Variants in ZFP3 observed in about 807,000 individuals in gnomAD.
ZFP3 encodes ZFP3 zinc finger protein.
In ZFP3, 18 loss-of-function variants were observed where a neutral mutation model predicts 36.7. The ratio of observed to expected loss-of-function variants is 0.49; its 90% CI spans 0.34 to 0.73. The LOEUF (loss-of-function observed/expected upper bound fraction) is 0.73, where lower values mean the gene tolerates loss of function less well. Ranked by LOEUF, ZFP3 falls within the 30% of genes least tolerant of loss-of-function variation. The probability of loss-of-function intolerance (pLI) is 0.01; values close to 1 mark genes in which losing one functional copy is unlikely to be tolerated. For synonymous variants in ZFP3, 218 were observed against 199.0 expected, an observed-to-expected ratio of 1.10 and a Z score of -0.81; for missense variants, 495 against 599.0, an observed-to-expected ratio of 0.83 and a Z score of 1.81.
rs1429732629 is a variant in ZFP3, at chr17:5,078,957, T to C, written c.-9+382T>C. On this transcript the variant is annotated intron_variant, in intron 1 of 1. Transcript: ENST00000318833. This position sits in a 1 kb window ranked among gnomAD's most constrained non-coding sequence, Gnocchi z 4.5. ...CAGTGTCACAAACTTAACGCCCTAG[T>C]GGCAGATTGTGCCCTGTGCTGCCAG... is the stretch of plus-strand genomic sequence containing the variant. 6.6e-6 allele frequency among the ~76,000 whole-genome samples: 1 copy of C among 152,182 alleles called. No homozygotes were observed.
At chr17:5,089,724 C>T (rs548278336) in intron 1 of ZFP3, among the ~76,000 whole-genome samples, 12 of 149,350 alleles carry the variant, frequency 8.0e-5, no homozygotes, top group East Asian at 6.2e-4. Context: ...GGCACAATCA[C>T]GGCTCATTGC....
rs957919024 is a variant in ZFP3 at position 5,093,457 on chromosome 17, A to G, written c.*444A>G. 1.7e-5 allele frequency: 3 copies of G among 173,312 alleles called. No individual in the cohort carries two copies. The highest frequency in any genetic ancestry group is 2.8e-5 in the Non-Finnish European group (2 of 72,164). The allele number at this position is 173,312 out of a possible 1,614,324, so 10.7% of individuals were successfully genotyped here. A position where few individuals can be genotyped will look rare whatever the true frequency, so the allele number is the denominator to read the frequency against. On this transcript the variant is annotated 3_prime_UTR_variant, in exon 2 of 2. Coordinates refer to ENST00000318833, the MANE Select transcript of ZFP3 (RefSeq NM_153018.3). ...TCCTCCCCCAGTGGATCACATAACA[A>G]ACATTAAGGGTCTGTACCAGCCATC...
chr17:5,094,103 C>T lies in ZFP3; in HGVS notation c.*1090C>T, dbSNP rs2072166445. 6.0e-6 allele frequency: 1 copy of T among 167,234 alleles called. No individual in the cohort carries two copies. Among genetic ancestry groups the T allele is most frequent in the Non-Finnish European group, 1.5e-5 (1 of 68,196 alleles). 10.4% of individuals were successfully genotyped at this position (167,234 alleles called of 1,614,324 possible). A position where few individuals can be genotyped will look rare whatever the true frequency, so the allele number is the denominator to read the frequency against. ...ACCTGATGACAAACCAGGGTCTGGCCTTGCCAAAGCACTTAAGTTCTCATG... is the reference window on the plus strand; with the variant it reads ...ACCTGATGACAAACCAGGGTCTGGCTTTGCCAAAGCACTTAAGTTCTCATG... On this transcript the variant is annotated 3_prime_UTR_variant, in exon 2 of 2. Transcript: ENST00000318833.
chr17:5,081,753 C>T (rs1490267980), intron 1 of ZFP3, among the ~76,000 whole-genome samples: 2 of 151,686 alleles, frequency 1.3e-5, no homozygotes, highest in Non-Finnish European at 2.9e-5. Context: ...AGGTGCCTGC[C>T]ACCACGCCCG....
Position 5,091,978 on chromosome 17 carries a change from G to A in ZFP3, c.474G>A (p.Gln158=), listed in dbSNP as rs777050836. 6.2e-7 allele frequency: 1 copy of A among 1,614,010 alleles called. No individual in the cohort carries two copies. The highest frequency in any genetic ancestry group is 1.7e-5 in the Admixed American group (1 of 60,010). Residue 158 remains glutamine, a synonymous_variant, in exon 2 of 2, where the codon CAG becomes CAA. Coordinates refer to ENST00000318833, the MANE Select transcript of ZFP3 (RefSeq NM_153018.3). ...KAFNQNSHLI[Q]HMRVHSGEKP... ...TTAATCAGAACTCACATCTCATCCA[G>A]CATATGAGAGTTCATAGTGGAGAAA...
At chr17:5,084,141 C>T (rs967886188) in intron 1 of ZFP3, among the ~76,000 whole-genome samples, 2 of 152,002 alleles carry the variant, frequency 1.3e-5, no homozygotes, top group South Asian at 2.1e-4. Flanking sequence ...GCTGGGATTA[C>T]AGGCATGAGC....
intron 1 of ZFP3, among the ~76,000 whole-genome samples, chr17:5,085,418 G>C (rs556701852): frequency 3.1e-4 from 47 of 151,926 alleles, no homozygotes; most frequent in African/African-American, 1.1e-3. Context: ...GCCCAGGCTG[G>C]AGTGCAGTGG....
intron 1 of ZFP3, among the ~76,000 whole-genome samples, chr17:5,084,800 C>A (rs959547193): frequency 6.6e-6 from 1 of 152,052 alleles, no homozygotes; most frequent in Non-Finnish European, 1.5e-5. Flanking sequence ...AAGTGAGAAA[C>A]GGAAAGATAG....
Position 5,093,186 on chromosome 17 carries a change from T to C in ZFP3, c.*173T>C, listed in dbSNP as rs1031977816. 2.2e-5 allele frequency: 16 copies of C among 714,822 alleles called. No homozygotes were observed. In the African/African-American group the frequency reaches 2.9e-4, roughly 13 times the overall value. The allele number at this position is 714,822 out of a possible 1,614,324, so 44.3% of individuals were successfully genotyped here. On this transcript the variant is annotated 3_prime_UTR_variant, in exon 2 of 2. Transcript: ENST00000318833. ...AAGAAGATGAGGCACTTTTTTTTTTTTTTTTTTAAGCATTGGGGTCTTGCT... is the reference window on the plus strand; with the variant it reads ...AAGAAGATGAGGCACTTTTTTTTTTCTTTTTTTAAGCATTGGGGTCTTGCT...
In ZFP3 at chr17:5,092,599, T is replaced by G. The variant is rs916451642; in HGVS notation, c.1095T>G (p.Tyr365Ter). ...HIRIHTGEKP[Y>*]VCKECGKAFR... ...GAATTCATACTGGTGAGAAGCCCTA[T>G]GTATGTAAGGAATGTGGGAAGGCCT... Residue 365 changes from tyrosine (Y) to a stop codon, truncating the protein, a stop_gained, in exon 2 of 2, where the codon TAT becomes TAG. Coordinates refer to ENST00000318833, the MANE Select transcript of ZFP3 (RefSeq NM_153018.3). LOFTEE classifies it high-confidence loss of function. This position sits in a 1 kb window ranked among gnomAD's most constrained non-coding sequence, Gnocchi z 5.0. 1.2e-6 allele frequency: 2 copies of G among 1,614,118 alleles called. No individual in the cohort carries two copies. Among genetic ancestry groups the G allele is most frequent in the Non-Finnish European group, 8.5e-7 (1 of 1,180,012 alleles).
chr17:5,088,803 G>A (rs994514697), intron 1 of ZFP3, among the ~76,000 whole-genome samples: 1 of 152,156 alleles, frequency 6.6e-6, no homozygotes, highest in Non-Finnish European at 1.5e-5. Flanking sequence ...CATCTGCGTG[G>A]AATGCTAATC....
chr17:5,095,549 C>T lies in ZFP3; in HGVS notation c.*2536C>T, dbSNP rs1162779780. ...GGCACCCCTTCAAGCTTCTCCTAAACAATCTATGCACACAAACACCCCTGA... is the reference window on the plus strand; with the variant it reads ...GGCACCCCTTCAAGCTTCTCCTAAATAATCTATGCACACAAACACCCCTGA... On this transcript the variant is annotated 3_prime_UTR_variant, in exon 2 of 2. Transcript: ENST00000318833. 2 of 166,926 alleles carry T rather than the reference C, an allele frequency of 1.2e-5. No homozygotes were observed. Among genetic ancestry groups the T allele is most frequent in the African/African-American group, 4.8e-5 (2 of 41,366 alleles). The allele number at this position is 166,926 out of a possible 1,614,324, so 10.3% of individuals were successfully genotyped here.
chr17:5,079,485 A>G (rs1476060784), intron 1 of ZFP3, among the ~76,000 whole-genome samples: 2 of 151,934 alleles, frequency 1.3e-5, no homozygotes, highest in Admixed American at 1.3e-4. Flanking sequence ...GAGTCTGGGC[A>G]ATAGAGCCAA....
chr17:5,082,535 T>G (rs1179454639), intron 1 of ZFP3, among the ~76,000 whole-genome samples: 2 of 152,102 alleles, frequency 1.3e-5, no homozygotes, highest in South Asian at 4.1e-4. Context: ...AAATTTTACT[T>G]AATTTTTTGA....
chr17:5,091,515 A>C lies in ZFP3; in HGVS notation c.11A>C (p.Glu4Ala), dbSNP rs779830975. The C allele has an allele frequency of 1.2e-6, 2 of 1,613,812 alleles. No individual in the cohort carries two copies. Among genetic ancestry groups the C allele is most frequent in the South Asian group, 2.2e-5 (2 of 91,058 alleles). The change falls in exon 2 of 2, where the codon GAG becomes GCG. Residue 4 changes from glutamate to alanine, a missense_variant. Physicochemically the swap from Glu to Ala is moderately radical, Grantham distance 107. Transcript: ENST00000318833. ...ATTTCAGATTGTGAGATGGGGACTGAGAACAAGGAGGTGATTCCCAAGGAA... is the reference window on the plus strand; with the variant it reads ...ATTTCAGATTGTGAGATGGGGACTGCGAACAAGGAGGTGATTCCCAAGGAA... MGT[E>A]NKEVIPKEEI...
chr17:5,080,186 A>G (rs932530223), intron 1 of ZFP3, among the ~76,000 whole-genome samples: 1 of 152,176 alleles, frequency 6.6e-6, no homozygotes, highest in Non-Finnish European at 1.5e-5. Context: ...GCAATAATAT[A>G]TGGAAGTATT....
chr17:5,092,593 G>A lies in ZFP3; in HGVS notation c.1089G>A (p.Lys363=). ...ATATTAGAATTCATACTGGTGAGAA[G>A]CCCTATGTATGTAAGGAATGTGGGA... The part of the protein sequence containing the change: ...IRHIRIHTGE[K]PYVCKECGKA... The change falls in exon 2 of 2, where the codon AAG becomes AAA. Residue 363 remains lysine (K), a synonymous_variant. Coordinates refer to ENST00000318833, the MANE Select transcript of ZFP3 (RefSeq NM_153018.3). The surrounding 1 kb of genome is among the most constrained non-coding windows in gnomAD (Gnocchi z 5.0). 3 of 1,613,886 alleles carry A rather than the reference G, an allele frequency of 1.9e-6. No homozygotes were observed. Among genetic ancestry groups the A allele is most frequent in the Non-Finnish European group, 2.5e-6 (3 of 1,179,946 alleles).
rs773824175 is a variant in ZFP3 at position 5,091,598 on chromosome 17, G to C, written c.94G>C (p.Val32Leu). 1.9e-6 allele frequency: 3 copies of C among 1,614,204 alleles called. No individual in the cohort carries two copies. In the South Asian group the frequency reaches 3.3e-5, roughly 18 times the overall value. ...ATTATTAGAAAAATTTCCAAAAGTG[G>C]TTTACCAAGGTCATGAGTTTGGAGC... Reference protein sequence around the residue: ...GSLLEKFPKVVYQGHEFGAGC... With the variant: ...GSLLEKFPKVLYQGHEFGAGC... Residue 32 changes from valine (V) to leucine (L), a missense_variant, in exon 2 of 2, where the codon GTT becomes CTT. Coordinates refer to ENST00000318833, the MANE Select transcript of ZFP3 (RefSeq NM_153018.3).
intron 1 of ZFP3, among the ~76,000 whole-genome samples, chr17:5,082,161 C>G (rs2072097114): frequency 6.6e-6 from 1 of 151,702 alleles, no homozygotes; most frequent in African/African-American, 2.4e-5. Context: ...TCCTGGCTAA[C>G]AGGGTGGAAC....
Sources: allele counts gnomAD v4.1 joint callset (sites outside exome capture counted in the v4.1 genomes callset), GRCh38; gene constraint gnomAD v4.1.1; non-coding constraint Gnocchi (gnomAD v3.1); transcripts MANE v1.5; gene names NCBI Gene and HGNC (gene_info 2026-07-23, HGNC 2026-07-21).